The following SULT6B1 variants were observed in gnomAD, a reference collection of about 807,000 sequenced individuals.
The protein encoded by SULT6B1 is sulfotransferase 6B1.
In SULT6B1, 44 loss-of-function variants were observed where a neutral mutation model predicts 37.2. The observed-to-expected ratio is 1.18, with a 90% CI of 0.93 to 1.52. SULT6B1 has a LOEUF of 1.52. SULT6B1 is among the 40% of genes most tolerant of loss of function. The pLI, the probability that SULT6B1 is intolerant of heterozygous loss-of-function variation, is 0.00. For missense variants in SULT6B1, 450 were observed against 361.0 expected, an observed-to-expected ratio of 1.25 and a Z score of -2.00; for synonymous variants, 140 against 126.0, an observed-to-expected ratio of 1.11 and a Z score of -0.74.
At chr2:37,171,801 T>C (rs1338677506) in intron 5 of SULT6B1, among the ~76,000 whole-genome samples, 1 of 152,204 alleles carries the variant, frequency 6.6e-6, no homozygotes, top group Non-Finnish European at 1.5e-5. Flanking sequence ...AGTTTCAATT[T>C]ATGACTCTTG....
intron 4 of SULT6B1, among the ~76,000 whole-genome samples, chr2:37,177,562 C>T (rs1199685362): frequency 6.6e-6 from 1 of 151,800 alleles, no homozygotes; most frequent in Non-Finnish European, 1.5e-5. Flanking sequence ...AATAGGGAGA[C>T]AGAAGTCAAA....
At chr2:37,187,864 AG>A (rs1676707300) in intron 1 of SULT6B1, among the ~76,000 whole-genome samples, 1 of 148,008 alleles carries the variant, frequency 6.8e-6, no homozygotes, top group Non-Finnish European at 1.5e-5. Context: ...GCATCAGTTA[AG>A]AAAAAAAGAT....
upstream of SULT6B1, among the ~76,000 whole-genome samples, chr2:37,192,687 G>T (rs1676804593): frequency 1.3e-5 from 2 of 152,216 alleles, no homozygotes; most frequent in South Asian, 4.1e-4. Flanking sequence ...CCTCTGGTCA[G>T]GTAGAATTTA....
At chr2:37,193,611 A>AGAAGAAGAAGAAGAAGAAGAG (rs1676829566), upstream of SULT6B1, among the ~76,000 whole-genome samples, 1 of 147,054 alleles carries the variant, frequency 6.8e-6, no homozygotes, top group African/African-American at 2.6e-5. Flanking sequence ...AAGAAGAAGA[A>AGAAGAAGAAGAAGAAGAAGAG]GAAGAAGAAG....
At chr2:37,182,702 A>G (rs1676582560) in intron 3 of SULT6B1, among the ~76,000 whole-genome samples, 1 of 152,198 alleles carries the variant, frequency 6.6e-6, no homozygotes. Context: ...GCACCAAGAA[A>G]TAAGGAACAG....
rs773062898 is a variant in SULT6B1, at chr2:37,167,965, C to T, written c.882G>A (p.Lys294=). ...ECLAGTSLGA[K]LKYESYCQG is the part of the protein sequence containing the mutation. The stretch of plus-strand genomic sequence containing the variant: ...CCTGGCAATATGATTCATACTTCAA[C>T]TTTGCTCCGAGGGAGGTGCCTGCTA... Residue 294 remains lysine (K), a synonymous_variant, in exon 7 of 7, where the codon AAG becomes AAA. Coordinates refer to ENST00000535679, the MANE Select transcript of SULT6B1 (RefSeq NM_001367551.1). 1.9e-6 allele frequency: 3 copies of T among 1,599,544 alleles called. No individual in the cohort carries two copies. The highest frequency in any genetic ancestry group is 2.7e-5 in the African/African-American group (2 of 74,116).
upstream of SULT6B1, among the ~76,000 whole-genome samples, chr2:37,192,053 G>C (rs536072687): frequency 1.4e-3 from 209 of 152,354 alleles, 1 homozygote; most frequent in African/African-American, 4.9e-3. Context: ...GTGCAAGCAA[G>C]TACAGCTGGT....
intron 4 of SULT6B1, among the ~76,000 whole-genome samples, chr2:37,177,883 A>G (rs1368398702): frequency 2.0e-5 from 3 of 152,338 alleles, no homozygotes; most frequent in African/African-American, 7.2e-5. Flanking sequence ...TCTTAGAGTG[A>G]ACTGACAACA....
At chr2:37,187,819 A>T (rs1352928582) in intron 1 of SULT6B1, among the ~76,000 whole-genome samples, 1 of 152,184 alleles carries the variant, frequency 6.6e-6, no homozygotes, top group Non-Finnish European at 1.5e-5. Context: ...TGTATTTTCT[A>T]CAGGAATCTA....
intron 3 of SULT6B1, among the ~76,000 whole-genome samples, chr2:37,181,309 T>C (rs1457519222): frequency 6.6e-6 from 1 of 152,212 alleles, no homozygotes; most frequent in Admixed American, 6.5e-5. Flanking sequence ...GACATAAATT[T>C]GAATTTGAGG....
In SULT6B1 at chr2:37,167,860, T is replaced by C; in HGVS notation, c.*75A>G. On this transcript the variant is annotated 3_prime_UTR_variant, in exon 7 of 7. Coordinates refer to ENST00000535679, the MANE Select transcript of SULT6B1 (RefSeq NM_001367551.1). The stretch of plus-strand genomic sequence containing the variant: ...GTTTAATTATTATTTGATTATTTGA[T>C]TGAATTATCATTTAATTATTTACAC... 7.9e-7 allele frequency: 1 copy of C among 1,271,116 alleles called. No individual in the cohort carries two copies. Among genetic ancestry groups the C allele is most frequent in the Non-Finnish European group, 1.1e-6 (1 of 946,838 alleles). The allele number at this position is 1,271,116 out of a possible 1,614,324, so 78.7% of individuals were successfully genotyped here. A position where few individuals can be genotyped will look rare whatever the true frequency, so the allele number is the denominator to read the frequency against.
At chr2:37,191,502 A>G (rs1676777925), upstream of SULT6B1, among the ~76,000 whole-genome samples, 2 of 152,308 alleles carry the variant, frequency 1.3e-5, no homozygotes, top group South Asian at 4.1e-4. Flanking sequence ...GGCTGCAGGC[A>G]CGAGCAGGAG....
upstream of SULT6B1, among the ~76,000 whole-genome samples, chr2:37,189,152 A>G (rs916278506): frequency 2.0e-5 from 3 of 152,204 alleles, no homozygotes; most frequent in South Asian, 6.2e-4. Context: ...CTCAATAGAT[A>G]CACAAGTCTA....
In SULT6B1 at chr2:37,168,076, CA is replaced by C; in HGVS notation, c.782-12del. The stretch of plus-strand genomic sequence containing the variant: ...AATCACCAACTTCACCTACAACACA[CA>C]AAAAACAGTAGACCCAGATATCTGT... On this transcript the variant is annotated splice_polypyrimidine_tract_variant and intron_variant, in intron 6 of 6. Transcript: ENST00000535679. 1.3e-6 allele frequency: 2 copies of C among 1,569,556 alleles called. No homozygotes were observed.
chr2:37,187,427 A>G lies in SULT6B1; in HGVS notation c.240T>C (p.Tyr80=). 6.2e-7 allele frequency: 1 copy of G among 1,607,688 alleles called. No homozygotes were observed. The highest frequency in any genetic ancestry group is 8.5e-7 in the Non-Finnish European group (1 of 1,175,924). ...WILHIVSELI[Y]AVSKKKYKYP... ...ATTTATACTTTTTTTTAGAAACAGCATATATTAATTCACTGACAATGTGGA... is the reference window on the plus strand; with the variant it reads ...ATTTATACTTTTTTTTAGAAACAGCGTATATTAATTCACTGACAATGTGGA... The change falls in exon 2 of 7, where the codon TAT becomes TAC. Residue 80 remains tyrosine, a synonymous_variant. Transcript: ENST00000535679.
intron 1 of SULT6B1, among the ~76,000 whole-genome samples, chr2:37,195,653 G>A (rs1424182225): frequency 6.6e-6 from 1 of 152,180 alleles, no homozygotes; most frequent in Non-Finnish European, 1.5e-5. Flanking sequence ...AGGTAGATCT[G>A]TGCCTGTTTT....
chr2:37,187,416 T>A lies in SULT6B1; in HGVS notation c.251A>T (p.Lys84Ile). 1.2e-6 allele frequency: 2 copies of A among 1,609,056 alleles called. No individual in the cohort carries two copies. Among genetic ancestry groups the A allele is most frequent in the Non-Finnish European group, 1.7e-6 (2 of 1,176,712 alleles). ...IVSELIYAVS[K>I]KKYKYPEFPV... ...GAATTCTGGATATTTATACTTTTTTTTAGAAACAGCATATATTAATTCACT... is the reference window on the plus strand; with the variant it reads ...GAATTCTGGATATTTATACTTTTTTATAGAAACAGCATATATTAATTCACT... Residue 84 changes from lysine (K) to isoleucine (I), a missense_variant, in exon 2 of 7, where the codon AAA becomes ATA. Physicochemically the swap from Lys to Ile is moderately radical, Grantham distance 102. Coordinates refer to ENST00000535679, the MANE Select transcript of SULT6B1 (RefSeq NM_001367551.1).
chr2:37,175,498 G>T (rs776985494), intron 4 of SULT6B1, among the ~76,000 whole-genome samples: 1 of 152,082 alleles, frequency 6.6e-6, no homozygotes, highest in Non-Finnish European at 1.5e-5. Flanking sequence ...AGACATTCAT[G>T]AATATTTAGG....
chr2:37,173,730 T>C (rs114599085), intron 5 of SULT6B1, among the ~76,000 whole-genome samples: 3,621 of 152,284 alleles, frequency 0.024, 63 homozygotes, highest in Middle Eastern at 0.058. Context: ...CCTGTTGGCC[T>C]TCCCTTCAAC....
Sources: gnomAD v4.1 joint callset for allele counts (sites outside exome capture counted in the v4.1 genomes callset) on GRCh38, gnomAD v4.1.1 for gene constraint, MANE v1.5 for transcripts, NCBI Gene and HGNC (gene_info 2026-07-23, HGNC 2026-07-21) for gene names.